Variants in TRAF3 observed in about 807,000 individuals in gnomAD.
The protein encoded by TRAF3 is TNF receptor associated factor 3.
A neutral mutation model predicts 62.3 loss-of-function variants in TRAF3; 13 were observed. The observed-to-expected ratio is 0.21, with a 90% confidence interval of 0.14 to 0.33. The LOEUF is 0.33. Among genes scored for constraint, TRAF3 ranks in the 10% least tolerant of loss-of-function variants. The pLI is 1.00. For missense variants in TRAF3, 440 were observed against 741.8 expected (o/e 0.59, Z 4.73); for synonymous variants, 269 against 283.4 (o/e 0.95, Z 0.51).
chr14:102,815,553 C>A (rs1899466885), intron 1 of TRAF3, among the ~76,000 whole-genome samples: 1 of 152,034 alleles, frequency 6.6e-6, no homozygotes, highest in Non-Finnish European at 1.5e-5. Context: ...TATTTTGAGT[C>A]AATTTTTGTG....
intron 1 of TRAF3, among the ~76,000 whole-genome samples, chr14:102,814,777 C>T (rs889819422): frequency 1.3e-5 from 2 of 152,138 alleles, no homozygotes; most frequent in East Asian, 3.9e-4. Flanking sequence ...CCCACCTCAG[C>T]CTCCCAAAGT....
chr14:102,784,888 C>G (rs556661763), intron 1 of TRAF3, among the ~76,000 whole-genome samples: 2 of 152,088 alleles, frequency 1.3e-5, no homozygotes, highest in Non-Finnish European at 2.9e-5. Flanking sequence ...GCAGAGGGCC[C>G]GTGAGTCGGA....
At chr14:102,899,871 T>C (rs1389216261) in intron 10 of TRAF3, among the ~76,000 whole-genome samples, 1 of 152,184 alleles carries the variant, frequency 6.6e-6, no homozygotes, top group Non-Finnish European at 1.5e-5. Context: ...TTAAATATCC[T>C]GTTTTTCTTT....
intron 5 of TRAF3, 128 bp from the exon 6 acceptor site, chr14:102,876,230 G>A: frequency 2.1e-6 from 2 of 952,470 alleles, no homozygotes; most frequent in East Asian, 2.6e-5. Context: ...ACTCTTTGCT[G>A]TGGAAAACTG....
intron 8 of TRAF3, among the ~76,000 whole-genome samples, chr14:102,889,884 C>A (rs1889613348): frequency 6.6e-6 from 1 of 152,186 alleles, no homozygotes; most frequent in Non-Finnish European, 1.5e-5. Context: ...AGTACTACAT[C>A]CAAAACCAGC....
intron 1 of TRAF3, among the ~76,000 whole-genome samples, chr14:102,806,337 A>G (rs1251859276): frequency 6.6e-6 from 1 of 152,188 alleles, no homozygotes; most frequent in Non-Finnish European, 1.5e-5. Context: ...TAGTCATTAA[A>G]CAGCAGAGGG....
rs1402006406 is a variant in TRAF3 at position 102,908,229 on chromosome 14, G to C, written c.*2445G>C. 6.6e-6 allele frequency: 1 copy of C among 152,322 alleles called. No individual in the cohort carries two copies. Among genetic ancestry groups the C allele is most frequent in the Admixed American group, 6.5e-5 (1 of 15,294 alleles). The allele number at this position is 152,322 out of a possible 1,614,324, so 9.4% of individuals were successfully genotyped here. On this transcript the variant is annotated 3_prime_UTR_variant, in exon 12 of 12. Transcript: ENST00000392745. ...TGGCGGGACGCCATGGGGCCCACCT[G>C]AGGGTCCCACAGACGTAACCTGAGT... is the stretch of plus-strand genomic sequence containing the variant.
At chr14:102,862,393 C>T (rs1887730261) in intron 2 of TRAF3, among the ~76,000 whole-genome samples, 1 of 127,902 alleles carries the variant, frequency 7.8e-6, no homozygotes, top group Non-Finnish European at 1.5e-5. Flanking sequence ...AGAGTAAGAT[C>T]CCTTCTCCAA....
chr14:102,833,544 C>T (rs190698759), intron 2 of TRAF3, among the ~76,000 whole-genome samples: 265 of 152,164 alleles, frequency 1.7e-3, no homozygotes, highest in Non-Finnish European at 2.8e-3. Context: ...CCTTTGCATT[C>T]GAGTATAGAG....
rs536334773 is a variant in TRAF3 at position 102,798,205 on chromosome 14, T to A, written c.-157+20530T>A. Among the ~76,000 whole-genome samples, 197 of 152,050 alleles carry A rather than the reference T, an allele frequency of 1.3e-3. 2 individuals carry two copies. The highest frequency in any genetic ancestry group is 6.8e-3 in the Middle Eastern group (2 of 294). On this transcript the variant is annotated intron_variant, in intron 1 of 11. Transcript: ENST00000392745. Reference sequence around the variant, plus strand: ...AACATTTAAGTGAGCACTGACCAAATCTAGCTTAGTTCAGAAAACCCTTTT... The same window carrying A: ...AACATTTAAGTGAGCACTGACCAAAACTAGCTTAGTTCAGAAAACCCTTTT...
At chr14:102,806,889 C>T (rs1206260602) in intron 1 of TRAF3, among the ~76,000 whole-genome samples, 1 of 152,110 alleles carries the variant, frequency 6.6e-6, no homozygotes, top group Non-Finnish European at 1.5e-5. Flanking sequence ...GGTGTTATTG[C>T]TTGAATGACA....
At chr14:102,852,711 T>C (rs1271003741) in intron 2 of TRAF3, among the ~76,000 whole-genome samples, 1 of 151,998 alleles carries the variant, frequency 6.6e-6, no homozygotes, top group Non-Finnish European at 1.5e-5. Flanking sequence ...AACAGTTTGT[T>C]TTTTTTAGAG....
intron 1 of TRAF3, among the ~76,000 whole-genome samples, chr14:102,793,687 G>A (rs1370694215): frequency 6.6e-6 from 1 of 152,218 alleles, no homozygotes; most frequent in Non-Finnish European, 1.5e-5. Flanking sequence ...GAAAATCATG[G>A]CTGATAGCAC....
chr14:102,858,624 A>G (rs952015052), intron 2 of TRAF3, among the ~76,000 whole-genome samples: 3 of 152,242 alleles, frequency 2.0e-5, no homozygotes, highest in South Asian at 2.1e-4. Context: ...TAAAGGCACA[A>G]TTGACTAGGA....
chr14:102,839,138 A>G (rs186638266), intron 2 of TRAF3, among the ~76,000 whole-genome samples: 2 of 151,822 alleles, frequency 1.3e-5, no homozygotes, highest in East Asian at 3.9e-4. Context: ...GAACGCCTAC[A>G]AAATGAGCAG....
intron 9 of TRAF3, among the ~76,000 whole-genome samples, chr14:102,895,584 C>T (rs563153417): frequency 2.0e-4 from 31 of 152,302 alleles, no homozygotes; most frequent in Non-Finnish European, 3.7e-4. Flanking sequence ...TCGGATCTGG[C>T]ACAGAGCTTA....
At chr14:102,886,499 T>C (rs1889398106) in intron 7 of TRAF3, among the ~76,000 whole-genome samples, 1 of 152,154 alleles carries the variant, frequency 6.6e-6, no homozygotes, top group African/African-American at 2.4e-5. Context: ...CTCACACCTG[T>C]AATCCCAGCA....
At chr14:102,868,740 A>G (rs1888153298) in intron 2 of TRAF3, among the ~76,000 whole-genome samples, 1 of 152,242 alleles carries the variant, frequency 6.6e-6, no homozygotes, top group Non-Finnish European at 1.5e-5. Context: ...ATTTAGGATG[A>G]TTGATCAAAT....
At chr14:102,889,502 G>A in intron 7 of TRAF3, 58 bp from the exon 8 acceptor site, 26 of 1,564,422 alleles carry the variant, frequency 1.7e-5, no homozygotes, top group Non-Finnish European at 2.1e-5. Flanking sequence ...GCCCTAATAT[G>A]TTTGAACATT....
Sources: gnomAD v4.1 joint callset for allele counts (sites outside exome capture counted in the v4.1 genomes callset) on GRCh38, gnomAD v4.1.1 for gene constraint, MANE v1.5 for transcripts, NCBI Gene and HGNC (gene_info 2026-07-23, HGNC 2026-07-21) for gene names.